Variants in KIFC3 observed in about 807,000 individuals in gnomAD.
KIFC3 encodes the protein kinesin-like protein KIFC3.
KIFC3 carries 60 observed loss-of-function variants against 101.8 expected under a neutral mutation model. The observed-to-expected ratio is 0.59, with a 90% confidence interval of 0.48 to 0.73. The LOEUF (loss-of-function observed/expected upper bound fraction) is 0.73. KIFC3 is among the 30% of genes least tolerant of loss of function. KIFC3 has a pLI of 0.00. For missense variants in KIFC3, 966 were observed against 1,137.1 expected, an observed-to-expected ratio of 0.85 and a Z score of 2.16; for synonymous variants, 476 against 482.7, an observed-to-expected ratio of 0.99 and a Z score of 0.18.
At chr16:57,762,067 C>G in intron 13 of KIFC3, 73 bp downstream of exon 13, 1 of 1,491,038 alleles carries the variant, frequency 6.7e-7, no homozygotes. Context: ...ACCTGAGGAC[C>G]TCGTTCCAGC....
intron 1 of KIFC3, among the ~76,000 whole-genome samples, chr16:57,818,750 A>G (rs1217020413): frequency 1.3e-5 from 2 of 152,168 alleles, no homozygotes; most frequent in African/African-American, 2.4e-5. Flanking sequence ...AAGGCTTTGT[A>G]AGCTCCTCGA....
chr16:57,810,007 G>A (rs377702444), intron 1 of KIFC3, among the ~76,000 whole-genome samples: 14 of 152,256 alleles, frequency 9.2e-5, no homozygotes, highest in African/African-American at 3.4e-4. Flanking sequence ...CCCAATCCCT[G>A]CCTGCTGTTA....
chr16:57,788,693 C>A lies in KIFC3; in HGVS notation c.315+6306G>T, dbSNP rs1250344698. 32 of 1,289,658 alleles carry A rather than the reference C, an allele frequency of 2.5e-5. No homozygotes were observed. In the East Asian group the frequency reaches 1.4e-3, roughly 56 times the overall value. 79.9% of individuals were successfully genotyped at this position (1,289,658 alleles called of 1,614,324 possible). A position where few individuals can be genotyped will look rare whatever the true frequency, so the allele number is the denominator to read the frequency against. ...TCGTCCCCTGACTCTGGCTCTTGCA[C>A]CCCTTGTCCTGCAGGGCCTGCTGCC... On this transcript the variant is annotated intron_variant, in intron 3 of 19. Transcript: ENST00000445690.
chr16:57,779,079 G>A (rs1295195175), intron 3 of KIFC3, among the ~76,000 whole-genome samples: 2 of 152,014 alleles, frequency 1.3e-5, no homozygotes, highest in African/African-American at 4.8e-5. Context: ...TCCATTTCTG[G>A]GTATATACCC....
chr16:57,774,234 G>T (rs2051710351), intron 3 of KIFC3: 1 of 152,234 alleles, frequency 6.6e-6, no homozygotes. Context: ...TGGGAGTAGG[G>T]ACAGTTTGCA....
At chr16:57,765,924 C>A in intron 10 of KIFC3, 1 of 361,880 alleles carries the variant, frequency 2.8e-6, no homozygotes, top group Non-Finnish European at 5.0e-6. Flanking sequence ...TGCACCCCGT[C>A]AGGGTGAGAC....
intron 1 of KIFC3, among the ~76,000 whole-genome samples, chr16:57,829,916 G>A (rs1195549889): frequency 6.6e-6 from 1 of 152,190 alleles, no homozygotes; most frequent in Non-Finnish European, 1.5e-5. Context: ...ACATTTCTGG[G>A]GCCAAGTCAT....
intron 3 of KIFC3, chr16:57,774,769 T>C: frequency 2.5e-6 from 2 of 798,294 alleles, no homozygotes; most frequent in Non-Finnish European, 3.5e-6. Flanking sequence ...TCAAGCAGTC[T>C]TCCCGCCTCA....
chr16:57,789,935 C>A (rs1311210054), intron 3 of KIFC3, among the ~76,000 whole-genome samples: 2 of 151,902 alleles, frequency 1.3e-5, no homozygotes, highest in Non-Finnish European at 2.9e-5. Flanking sequence ...CAGGGTTTCA[C>A]CACGTTGGCC....
At chr16:57,783,127 T>C (rs1568011828) in intron 3 of KIFC3, among the ~76,000 whole-genome samples, 1 of 152,178 alleles carries the variant, frequency 6.6e-6, no homozygotes, top group African/African-American at 2.4e-5. Context: ...TTTCCCTTCT[T>C]AAAAAGTAAG....
intron 1 of KIFC3, among the ~76,000 whole-genome samples, chr16:57,818,599 G>C (rs1235209890): frequency 1.3e-5 from 2 of 151,566 alleles, no homozygotes; most frequent in African/African-American, 4.9e-5. Context: ...TGGGCTCAAG[G>C]GATCCTCCTG....
At chr16:57,801,903 T>C (rs1278057173) in intron 1 of KIFC3, among the ~76,000 whole-genome samples, 1 of 152,126 alleles carries the variant, frequency 6.6e-6, no homozygotes, top group Non-Finnish European at 1.5e-5. Context: ...AGGCCCTTCT[T>C]CCTAACCTCT....
At chr16:57,776,441 T>C in intron 3 of KIFC3, 3 of 984,736 alleles carry the variant, frequency 3.0e-6, no homozygotes, top group Non-Finnish European at 3.6e-6. Flanking sequence ...ACAATTCGAA[T>C]TCTAAAGCCA....
intron 1 of KIFC3, chr16:57,816,571 C>T (rs896494923): frequency 1.3e-5 from 6 of 456,552 alleles, no homozygotes; most frequent in East Asian, 6.9e-5. Flanking sequence ...CTCTGAGTGG[C>T]GGAGGAATGT....
At position 57,802,416 on chromosome 16, in the gene KIFC3, TCGGCC is replaced by T. The variant is rs1184594341; in HGVS notation, c.-91_-87del. 18 of 982,420 alleles carry T rather than the reference TCGGCC, an allele frequency of 1.8e-5. No individual in the cohort carries two copies. The Admixed American group carries it at 3.1e-4, about 17-fold the overall frequency. The allele number at this position is 982,420 out of a possible 1,614,324, so 60.9% of individuals were successfully genotyped here. A position where few individuals can be genotyped will look rare whatever the true frequency, so the allele number is the denominator to read the frequency against. ...CAGGCGTCGCCGCAGCGCCCGGGGCTCGGCCCGGCCCGGCCCGCCGGCAGGAGGCA... is the reference window on the plus strand; with the variant it reads ...CAGGCGTCGCCGCAGCGCCCGGGGCTCGGCCCGGCCCGCCGGCAGGAGGCA... On this transcript the variant is annotated 5_prime_UTR_variant, in exon 1 of 20. Transcript: ENST00000445690. The surrounding 1 kb of genome is among the most constrained non-coding windows in gnomAD (Gnocchi z 5.0).
At chr16:57,851,187 A>T (rs1441743746) in intron 1 of KIFC3, among the ~76,000 whole-genome samples, 1 of 150,818 alleles carries the variant, frequency 6.6e-6, no homozygotes, top group Non-Finnish European at 1.5e-5. Flanking sequence ...ATGTTTTTTT[A>T]ATGTTTTGTA....
chr16:57,821,071 C>T (rs1221759834), intron 1 of KIFC3, among the ~76,000 whole-genome samples: 1 of 151,462 alleles, frequency 6.6e-6, no homozygotes, highest in East Asian at 1.9e-4. Context: ...TTCGAGGCCG[C>T]AGTGAGCGAA....
intron 12 of KIFC3, among the ~76,000 whole-genome samples, chr16:57,763,128 C>T (rs906836450): frequency 1.3e-5 from 2 of 152,092 alleles, no homozygotes; most frequent in African/African-American, 4.8e-5. Context: ...GCTGTCTCCC[C>T]ACAGCCAGGT....
At chr16:57,814,442 TCA>T (rs1297547345) in intron 1 of KIFC3, among the ~76,000 whole-genome samples, 7 of 152,176 alleles carry the variant, frequency 4.6e-5, no homozygotes, top group African/African-American at 1.7e-4. Context: ...TCTCTGAGCC[TCA>T]GTTTCCTCAT....
Sources: gnomAD v4.1 joint callset for allele counts (sites outside exome capture counted in the v4.1 genomes callset) on GRCh38, gnomAD v4.1.1 for gene constraint, Gnocchi (gnomAD v3.1) non-coding constraint, MANE v1.5 for transcripts, NCBI Gene and HGNC (gene_info 2026-07-23, HGNC 2026-07-21) for gene names.